SEMA4A: variants seen among roughly 807,000 people sequenced by gnomAD.
The protein encoded by SEMA4A is semaphorin-4A.
SEMA4A carries 52 observed loss-of-function variants against 72.5 expected under a neutral mutation model. The observed-to-expected ratio is 0.72, with a 90% CI of 0.57 to 0.90. The LOEUF (loss-of-function observed/expected upper bound fraction) is 0.90, where lower values mean the gene tolerates loss of function less well. Among genes scored for constraint, SEMA4A ranks in the 40% least tolerant of loss-of-function variants. The pLI is 0.00. For synonymous variants in SEMA4A, 369 were observed against 393.1 expected, an observed-to-expected ratio of 0.94 and a Z score of 0.73; for missense variants, 926 against 959.7, an observed-to-expected ratio of 0.96 and a Z score of 0.46.
Position 156,158,525 on chromosome 1 carries a change from T to C in SEMA4A, c.462+39T>C, listed in dbSNP as rs755224140. On this transcript the variant is annotated intron_variant, in intron 5 of 14. Transcript: ENST00000368285. ...TGCCCAGCGCTCAGGCCCCCAAGCA[T>C]CCCTTCTCACATCTACCCACGACTT... 1.8e-5 allele frequency: 27 copies of C among 1,519,824 alleles called. 1 individual carries two copies. Among genetic ancestry groups the C allele is most frequent in the South Asian group, 3.4e-5 (3 of 89,266 alleles). 94.1% of individuals were successfully genotyped at this position (1,519,824 alleles called of 1,614,324 possible).
At chr1:156,173,554 G>A (rs1287747997) in intron 11 of SEMA4A, among the ~76,000 whole-genome samples, 3 of 152,026 alleles carry the variant, frequency 2.0e-5, no homozygotes, top group Admixed American at 6.6e-5. Flanking sequence ...AAGTTGTGGC[G>A]GGAGCAGGCG....
chr1:156,161,051 C>CG (rs1653571732), intron 8 of SEMA4A, 22 bp downstream of exon 8: 3 of 1,591,654 alleles, frequency 1.9e-6, no homozygotes, highest in Non-Finnish European at 2.6e-6. Context: ...GGGCGGGGGG[C>CG]GGGGCTAACT....
chr1:156,160,291 G>C, intron 6 of SEMA4A, 152 bp from the exon 7 acceptor site: 1 of 695,560 alleles, frequency 1.4e-6, no homozygotes, highest in Non-Finnish European at 2.6e-6. Flanking sequence ...TGAGGAGGGG[G>C]AGCTGGCCTT....
upstream of SEMA4A, among the ~76,000 whole-genome samples, chr1:156,152,629 C>T (rs1652632740): frequency 6.6e-6 from 1 of 152,032 alleles, no homozygotes; most frequent in Admixed American, 6.6e-5. Context: ...GAGACCAACC[C>T]CCGGGGAAAC....
chr1:156,161,096 A>G, intron 8 of SEMA4A, 67 bp downstream of exon 8: 1 of 1,548,446 alleles, frequency 6.5e-7, no homozygotes, highest in South Asian at 1.1e-5. Flanking sequence ...CAGGGGCAGG[A>G]CTGAGTGGTG....
rs376310258 is a variant in SEMA4A at position 156,157,261 on chromosome 1, A to G, written c.300+687A>G. 9.2e-5 allele frequency among the ~76,000 whole-genome samples: 14 copies of G among 151,508 alleles called. No homozygotes were observed. The East Asian group carries it at 2.1e-3, about 23-fold the overall frequency. On this transcript the variant is annotated intron_variant, in intron 3 of 14. Coordinates refer to ENST00000368285, the MANE Select transcript of SEMA4A (RefSeq NM_022367.4). This position sits in a 1 kb window ranked among gnomAD's most constrained non-coding sequence, Gnocchi z 4.5. ...GAGTGCAATGGCGTGATCTTGGCTC[A>G]CTGTAACCTCTGCCTCCTGGGTTCA...
intron 10 of SEMA4A, among the ~76,000 whole-genome samples, chr1:156,171,020 C>A (rs1270466886): frequency 6.6e-6 from 1 of 152,066 alleles, no homozygotes; most frequent in African/African-American, 2.4e-5. Context: ...TGAGACCAGC[C>A]TTGGCAATAT....
chr1:156,158,664 T>A (rs1459417620), intron 5 of SEMA4A, 55 bp from the exon 6 acceptor site: 1 of 1,465,546 alleles, frequency 6.8e-7, no homozygotes, highest in East Asian at 2.3e-5. Context: ...AAGCCCCTCA[T>A]TTCCCAGATG....
Position 156,160,966 on chromosome 1 carries a change from G to A in SEMA4A, c.747G>A (p.Glu249=). The change falls in exon 8 of 15, where the codon GAG becomes GAA. Residue 249 remains glutamate (E), a synonymous_variant. Transcript: ENST00000368285. ...STQVVYFFFE[E]TASEFDFFER... is the part of the protein sequence containing the mutation. ...AGGTCGTCTACTTCTTCTTCGAGGAGACAGCCAGCGAGTTTGACTTCTTTG... is the reference window on the plus strand; with the variant it reads ...AGGTCGTCTACTTCTTCTTCGAGGAAACAGCCAGCGAGTTTGACTTCTTTG... 1 of 1,613,082 alleles carries A rather than the reference G, an allele frequency of 6.2e-7. No individual in the cohort carries two copies. Among genetic ancestry groups the A allele is most frequent in the South Asian group, 1.1e-5 (1 of 90,994 alleles).
In SEMA4A at chr1:156,177,579, C is replaced by G. The variant is rs1361942555; in HGVS notation, c.*582C>G. 1 of 177,092 alleles carries G rather than the reference C, an allele frequency of 5.6e-6. No individual in the cohort carries two copies. The highest frequency in any genetic ancestry group is 1.2e-5 in the Non-Finnish European group (1 of 81,286). 11.0% of individuals were successfully genotyped at this position (177,092 alleles called of 1,614,324 possible). ...TTCTTCTTGCTTCAGTTGGGGCAGA[C>G]TCTGATCCCTTCTGCCCTGGCAGAA... On this transcript the variant is annotated 3_prime_UTR_variant, in exon 15 of 15. Transcript: ENST00000368285.
At chr1:156,168,888 C>T (rs1341709813) in intron 10 of SEMA4A, among the ~76,000 whole-genome samples, 1 of 152,198 alleles carries the variant, frequency 6.6e-6, no homozygotes, top group Admixed American at 6.5e-5. Context: ...CTCTTGGTGT[C>T]TGGGAGCCAC....
intron 14 of SEMA4A, among the ~76,000 whole-genome samples, chr1:156,176,014 C>G (rs1655290714): frequency 6.6e-6 from 1 of 152,112 alleles, no homozygotes; most frequent in Non-Finnish European, 1.5e-5. Flanking sequence ...CTCAGTGGCT[C>G]ACTCCTGTAA....
At chr1:156,161,979 T>C (rs1451731468) in intron 9 of SEMA4A, among the ~76,000 whole-genome samples, 1 of 152,046 alleles carries the variant, frequency 6.6e-6, no homozygotes, top group Non-Finnish European at 1.5e-5. Flanking sequence ...AAAAATAAAG[T>C]CGGCCGGGTG....
intron 10 of SEMA4A, among the ~76,000 whole-genome samples, chr1:156,169,558 T>C (rs1654507664): frequency 1.3e-5 from 2 of 150,908 alleles, no homozygotes; most frequent in African/African-American, 4.8e-5. Context: ...TAGCTGGGAC[T>C]ACAGGCGCCC....
At position 156,158,886 on chromosome 1, in the gene SEMA4A, T is replaced by C. The variant is rs1044554680; in HGVS notation, c.568+62T>C. The C allele has an allele frequency of 1.9e-5, 27 of 1,400,920 alleles. No homozygotes were observed. The Admixed American group carries it at 2.0e-4, about 10-fold the overall frequency. The allele number at this position is 1,400,920 out of a possible 1,614,324, so 86.8% of individuals were successfully genotyped here. The stretch of plus-strand genomic sequence containing the variant: ...CTTTCTCCAGTCACGCTGTGAAATA[T>C]GGAATATTACAGAGTTTTCCAAAAG... On this transcript the variant is annotated intron_variant, in intron 6 of 14. Transcript: ENST00000368285.
intron 10 of SEMA4A, among the ~76,000 whole-genome samples, chr1:156,168,724 A>AC (rs1157474776): frequency 6.6e-6 from 1 of 152,018 alleles, no homozygotes; most frequent in East Asian, 1.9e-4. Context: ...CTGTTATGTC[A>AC]CCACTGAGGG....
rs1653814020 is a variant in SEMA4A, at chr1:156,163,038, G to T, written c.1078G>T (p.Glu360Ter). ...GGGGAAATACAAAGAGTTGAACAAA[G>T]AAACTTCACGCTGGACTACTTATAG... ...FKGKYKELNK[E>*]TSRWTTYRGP... Residue 360 changes from glutamate (E) to a stop codon, truncating the protein, a stop_gained, in exon 10 of 15, where the codon GAA (glutamate) becomes TAA (stop). Transcript: ENST00000368285. LOFTEE classifies it high-confidence loss of function. The T allele has an allele frequency of 6.2e-7, 1 of 1,614,168 alleles. No homozygotes were observed. Among genetic ancestry groups the T allele is most frequent in the Non-Finnish European group, 8.5e-7 (1 of 1,180,034 alleles).
Position 156,175,353 on chromosome 1 carries a change from G to A in SEMA4A, c.1592+110G>A, listed in dbSNP as rs772108825. The A allele has an allele frequency of 5.1e-6, 7 of 1,373,188 alleles. No homozygotes were observed. The East Asian group carries it at 1.6e-4, about 31-fold the overall frequency. 85.1% of individuals were successfully genotyped at this position (1,373,188 alleles called of 1,614,324 possible). A position where few individuals can be genotyped will look rare whatever the true frequency, so the allele number is the denominator to read the frequency against. ...GGGGCTACTGACATATTCACTCCAA[G>A]AGTCCTCCCATCCTGCAGTGGGTTC... On this transcript the variant is annotated intron_variant, in intron 13 of 14. Transcript: ENST00000368285.
In SEMA4A at chr1:156,161,456, G is replaced by A. The variant is rs1197593207; in HGVS notation, c.921G>A (p.Ala307=). The A allele has an allele frequency of 1.9e-6, 3 of 1,613,818 alleles. No homozygotes were observed. Among genetic ancestry groups the A allele is most frequent in the African/African-American group, 1.3e-5 (1 of 74,892 alleles). ...GQLPFNVIRH[A]VLLPADSPTA... is the part of the protein sequence containing the mutation. ...TGCCCTTCAACGTCATCCGCCACGC[G>A]GTCCTGCTCCCCGCCGATTCTCCCA... Residue 307 remains alanine (A), a synonymous_variant, in exon 9 of 15, where the codon GCG becomes GCA. Transcript: ENST00000368285.
Sources: allele counts gnomAD v4.1 joint callset (sites outside exome capture counted in the v4.1 genomes callset), GRCh38; gene constraint gnomAD v4.1.1; non-coding constraint Gnocchi (gnomAD v3.1); transcripts MANE v1.5; gene names NCBI Gene and HGNC (gene_info 2026-07-23, HGNC 2026-07-21).